RARRES1: variants seen among roughly 807,000 people sequenced by gnomAD.
RARRES1 encodes the protein retinoic acid receptor responder protein 1.
RARRES1 carries 34 observed loss-of-function variants against 30.6 expected under a neutral mutation model. The observed-to-expected ratio is 1.11, with a 90% CI of 0.84 to 1.48. RARRES1 has a LOEUF of 1.48. Among genes scored for constraint, RARRES1 ranks in the 40% most tolerant of loss-of-function variants. RARRES1 has a pLI of 0.00. For synonymous variants in RARRES1, 153 were observed against 155.5 expected (o/e 0.98, Z 0.12); for missense variants, 373 against 386.5 (o/e 0.97, Z 0.29).
Position 158,710,760 on chromosome 3 carries a change from G to A in RARRES1, c.513C>T (p.Pro171=), listed in dbSNP as rs754034086. Residue 171 remains proline (P), a synonymous_variant, in exon 3 of 6, where the codon CCC becomes CCT. Coordinates refer to ENST00000237696, the MANE Select transcript of RARRES1 (RefSeq NM_206963.2). ...TACCAGGTATGCTGACTATTTCCAA[G>A]GGGTTTTTCAGTTGCTTCATTTGCT... ...LYKQMKQLKN[P]LEIVSIPDNH... is the part of the protein sequence containing the mutation. 3 of 1,611,686 alleles carry A rather than the reference G, an allele frequency of 1.9e-6. No homozygotes were observed. The highest frequency in any genetic ancestry group is 2.7e-5 in the African/African-American group (2 of 74,716).
rs773583878 is a variant in RARRES1, at chr3:158,697,904, T to C, written c.735+4A>G. ...ACAATTCTACATACAATGTTATGTTTTACCTGTGTTGATAATTCATGAAGT... is the reference window on the plus strand; with the variant it reads ...ACAATTCTACATACAATGTTATGTTCTACCTGTGTTGATAATTCATGAAGT... On this transcript the variant is annotated splice_donor_region_variant and intron_variant, in intron 5 of 5. Transcript: ENST00000237696. 3 of 1,559,168 alleles carry C rather than the reference T, an allele frequency of 1.9e-6. No homozygotes were observed. The Admixed American group carries it at 5.0e-5, about 26-fold the overall frequency.
chr3:158,726,843 T>G (rs1029955703), intron 1 of RARRES1, among the ~76,000 whole-genome samples: 2 of 152,236 alleles, frequency 1.3e-5, no homozygotes, highest in African/African-American at 4.8e-5. Flanking sequence ...GAAATGTGCT[T>G]TCCAATTTGG....
At position 158,704,818 on chromosome 3, in the gene RARRES1, CAAG is replaced by C; in HGVS notation, c.642_644del (p.Tyr214_Leu215delinsTer). 1 of 1,613,938 alleles carries C rather than the reference CAAG, an allele frequency of 6.2e-7. No homozygotes were observed. ...ACTGCCTCACACTAGTGAGCTGTGC[CAAG>C]TAGTAGTGTGACACCTGTGTTGTCA... On this transcript the variant is annotated stop_gained and inframe_deletion, in exon 4 of 6. Transcript: ENST00000237696. LOFTEE classifies it high-confidence loss of function.
intron 1 of RARRES1, among the ~76,000 whole-genome samples, chr3:158,731,312 G>T: frequency 6.6e-6 from 1 of 152,182 alleles, no homozygotes; most frequent in East Asian, 1.9e-4. Context: ...TTGAGGCCGT[G>T]TGTCTGCAGG....
intron 4 of RARRES1, among the ~76,000 whole-genome samples, chr3:158,703,984 A>G (rs1277018128): frequency 6.6e-6 from 1 of 152,002 alleles, no homozygotes; most frequent in African/African-American, 2.4e-5. Context: ...TTCTCCCTCA[A>G]TTCTGTTCCT....
rs111869919 is a variant in RARRES1 at position 158,722,450 on chromosome 3, T to A, written c.277-8591A>T. Among the ~76,000 whole-genome samples the A allele has an allele frequency of 4.1e-3, 617 of 152,326 alleles. 4 individuals carry two copies. The highest frequency in any genetic ancestry group is 0.014 in the African/African-American group (594 of 41,574). The stretch of plus-strand genomic sequence containing the variant: ...ATTGCATAAAGTCAATTTGAAATAT[T>A]AAAATATTTAAATATTTTCCAATAT... On this transcript the variant is annotated intron_variant, in intron 1 of 5. Transcript: ENST00000237696.
intron 3 of RARRES1, chr3:158,705,569 G>A (rs1324830187): frequency 1.3e-5 from 2 of 152,312 alleles, no homozygotes; most frequent in Non-Finnish European, 2.9e-5. Context: ...GCCTCCCAAA[G>A]TGCTGAGATT....
chr3:158,710,973 C>G, intron 2 of RARRES1, 40 bp from the exon 3 acceptor site: 1 of 1,542,674 alleles, frequency 6.5e-7, no homozygotes, highest in Non-Finnish European at 8.9e-7. Context: ...CTCCCACTCA[C>G]CCCAGTGCAC....
At chr3:158,722,086 C>CAAAAAAAAAAAAAAAAAAAAAAA (rs571829700) in intron 1 of RARRES1, among the ~76,000 whole-genome samples, 2 of 68,738 alleles carry the variant, frequency 2.9e-5, no homozygotes, top group African/African-American at 5.1e-5. Flanking sequence ...GAATGAAACT[C>CAAAAAAAAAAAAAAAAAAAAAAA]AAAAAAAAAA....
Position 158,701,487 on chromosome 3 carries a change from C to G in RARRES1, c.672+3304G>C, listed in dbSNP as rs572221641. Among the ~76,000 whole-genome samples the G allele has an allele frequency of 2.6e-5, 4 of 152,166 alleles. No homozygotes were observed. In the South Asian group the frequency reaches 8.3e-4, roughly 32 times the overall value. On this transcript the variant is annotated intron_variant, in intron 4 of 5. Coordinates refer to ENST00000237696, the MANE Select transcript of RARRES1 (RefSeq NM_206963.2). ...CCCTGAGTATCAAGATAGTAATTCC[C>G]AGAAAGTTTTTGGAAAAATTATAAT...
intron 1 of RARRES1, among the ~76,000 whole-genome samples, chr3:158,722,755 G>A (rs573250648): frequency 5.3e-4 from 80 of 151,938 alleles, no homozygotes; most frequent in Non-Finnish European, 9.3e-4. Context: ...GGTGGCGGGC[G>A]CCTGTAGTCC....
At chr3:158,711,830 G>A (rs982876804) in intron 2 of RARRES1, among the ~76,000 whole-genome samples, 4 of 152,000 alleles carry the variant, frequency 2.6e-5, no homozygotes, top group African/African-American at 9.7e-5. Context: ...TCCTGACCTC[G>A]TGATCTGCCT....
chr3:158,721,697 G>A (rs1727516776), intron 1 of RARRES1, among the ~76,000 whole-genome samples: 1 of 152,162 alleles, frequency 6.6e-6, no homozygotes, highest in South Asian at 2.1e-4. Context: ...GGTGAATCAG[G>A]TTATGATACC....
In RARRES1 at chr3:158,697,609, T is replaced by A. The variant is rs1726588010; in HGVS notation, c.*69A>T. Reference sequence around the variant, plus strand: ...TTAGAATGTCTATACCTTAGCTGTTTTACTAGAAGAATGATTTATGCTAGT... The same window carrying A: ...TTAGAATGTCTATACCTTAGCTGTTATACTAGAAGAATGATTTATGCTAGT... On this transcript the variant is annotated 3_prime_UTR_variant, in exon 6 of 6. Transcript: ENST00000237696. The A allele has an allele frequency of 8.3e-6, 12 of 1,449,668 alleles. No individual in the cohort carries two copies. The highest frequency in any genetic ancestry group is 1.1e-5 in the Non-Finnish European group (12 of 1,058,624). 89.8% of individuals were successfully genotyped at this position (1,449,668 alleles called of 1,614,324 possible).
rs888443520 is a variant in RARRES1 at position 158,732,240 on chromosome 3, A to G, written c.176T>C (p.Leu59Pro). The G allele has an allele frequency of 7.2e-6, 10 of 1,390,498 alleles. No individual in the cohort carries two copies. The highest frequency in any genetic ancestry group is 6.8e-5 in the Admixed American group (2 of 29,274). The allele number at this position is 1,390,498 out of a possible 1,614,324, so 86.1% of individuals were successfully genotyped here. Residue 59 changes from leucine (L) to proline (P), a missense_variant, in exon 1 of 6, where the codon CTG becomes CCG. Coordinates refer to ENST00000237696, the MANE Select transcript of RARRES1 (RefSeq NM_206963.2). ...AAGCGCCGCGCGCGCCGCCTGCTGC[A>G]GGAGCCTGCGCGGGACCCCAGCATC... ...PQDAGVPRRL[L>P]QQAARAALHF...
At chr3:158,727,872 C>T (rs186463655) in intron 1 of RARRES1, among the ~76,000 whole-genome samples, 54 of 152,254 alleles carry the variant, frequency 3.5e-4, no homozygotes, top group African/African-American at 1.3e-3. Context: ...TCCTCCACTC[C>T]ACTCCACCCA....
Position 158,723,350 on chromosome 3 carries a change from T to G in RARRES1, c.276+8790A>C, listed in dbSNP as rs1327687524. ...CATTTTATAAGGTTACTTTTATGAG[T>G]CAGGCTTGGTTGGAGATAAGTAAAC... On this transcript the variant is annotated intron_variant, in intron 1 of 5. Coordinates refer to ENST00000237696, the MANE Select transcript of RARRES1 (RefSeq NM_206963.2). This position sits in a 1 kb window ranked among gnomAD's most constrained non-coding sequence, Gnocchi z 4.4. Among the ~76,000 whole-genome samples, 1 of 152,238 alleles carries G rather than the reference T, an allele frequency of 6.6e-6. No individual in the cohort carries two copies. The highest frequency in any genetic ancestry group is 1.5e-5 in the Non-Finnish European group (1 of 68,036).
At chr3:158,728,036 AACATC>A (rs1727746577) in intron 1 of RARRES1, among the ~76,000 whole-genome samples, 1 of 152,236 alleles carries the variant, frequency 6.6e-6, no homozygotes, top group Non-Finnish European at 1.5e-5. Context: ...AGAGGTCTTA[AACATC>A]ATTTAGTCTA....
intron 3 of RARRES1, among the ~76,000 whole-genome samples, chr3:158,708,256 C>G (rs1193431564): frequency 6.6e-6 from 1 of 152,206 alleles, no homozygotes; most frequent in East Asian, 1.9e-4. Context: ...CTTGATCCAG[C>G]TCATCATCAC....
Sources: allele counts gnomAD v4.1 joint callset (sites outside exome capture counted in the v4.1 genomes callset), GRCh38; gene constraint gnomAD v4.1.1; non-coding constraint Gnocchi (gnomAD v3.1); transcripts MANE v1.5; gene names NCBI Gene and HGNC (gene_info 2026-07-23, HGNC 2026-07-21).